The following SMYD3 variants were observed in gnomAD, a reference collection of about 807,000 sequenced individuals.
SMYD3 encodes SET and MYND domain containing 3, also known as histone-lysine N-methyltransferase SMYD3.
In SMYD3, 36 loss-of-function variants were observed where a neutral mutation model predicts 57.7. The ratio of observed to expected loss-of-function variants is 0.62; its 90% CI spans 0.48 to 0.82. The LOEUF is 0.82. Ranked by LOEUF, SMYD3 falls within the 40% of genes least tolerant of loss-of-function variation. The pLI, the probability that SMYD3 is intolerant of heterozygous loss-of-function variation, is 0.00. For synonymous variants in SMYD3, 211 were observed against 195.0 expected, an observed-to-expected ratio of 1.08 and a Z score of -0.68; for missense variants, 515 against 538.8, an observed-to-expected ratio of 0.96 and a Z score of 0.44.
chr1:245,777,849 C>T (rs112626645), intron 10 of SMYD3, among the ~76,000 whole-genome samples: 62 of 152,136 alleles, frequency 4.1e-4, no homozygotes, highest in Middle Eastern at 3.2e-3. Flanking sequence ...AACAATACAC[C>T]ACAAAATGCT....
chr1:246,326,754 A>C (rs2065360037), intron 5 of SMYD3: 2 of 274,328 alleles, frequency 7.3e-6, no homozygotes, highest in South Asian at 1.5e-4. Context: ...ACAGAACGAG[A>C]CTCTGTCTAA....
At chr1:245,973,707 A>G (rs1197387130) in intron 5 of SMYD3, among the ~76,000 whole-genome samples, 1 of 152,138 alleles carries the variant, frequency 6.6e-6, no homozygotes, top group African/African-American at 2.4e-5. Flanking sequence ...GACCATCCCA[A>G]CTCAAGAACA....
At chr1:246,489,155 G>A (rs541139924) in intron 1 of SMYD3, among the ~76,000 whole-genome samples, 1 of 152,166 alleles carries the variant, frequency 6.6e-6, no homozygotes, top group East Asian at 1.9e-4. Context: ...GATCATCCTG[G>A]CTAACATGGT....
At chr1:246,320,466 A>C (rs2065227711) in intron 5 of SMYD3, among the ~76,000 whole-genome samples, 1 of 152,216 alleles carries the variant, frequency 6.6e-6, no homozygotes, top group South Asian at 2.1e-4. Flanking sequence ...CAGTTGCACA[A>C]CATTATAAAG....
At chr1:246,372,270 A>G (rs1386971538) in intron 1 of SMYD3, among the ~76,000 whole-genome samples, 1 of 152,216 alleles carries the variant, frequency 6.6e-6, no homozygotes, top group African/African-American at 2.4e-5. Flanking sequence ...TCTAGTGAGC[A>G]TGTTGTATGC....
chr1:245,878,087 T>C (rs1297636791), intron 8 of SMYD3, among the ~76,000 whole-genome samples: 1 of 151,694 alleles, frequency 6.6e-6, no homozygotes, highest in Non-Finnish European at 1.5e-5. Flanking sequence ...TCAAAGGAGG[T>C]CAATGGATTT....
At chr1:245,887,601 T>C (rs1005046081) in intron 8 of SMYD3, among the ~76,000 whole-genome samples, 1 of 152,188 alleles carries the variant, frequency 6.6e-6, no homozygotes, top group Admixed American at 6.5e-5. Context: ...AAAATTCCTA[T>C]ACAACCTGTA....
chr1:246,172,829 C>T (rs1343535966), intron 5 of SMYD3, among the ~76,000 whole-genome samples: 1 of 150,266 alleles, frequency 6.7e-6, no homozygotes, highest in African/African-American at 2.5e-5. Flanking sequence ...AGAACACTCA[C>T]TGTACTCTAC....
chr1:246,060,252 C>T (rs1436990393), intron 5 of SMYD3, among the ~76,000 whole-genome samples: 1 of 151,788 alleles, frequency 6.6e-6, no homozygotes, highest in Non-Finnish European at 1.5e-5. Flanking sequence ...TATGCCACTG[C>T]ACTCCAGCCT....
chr1:245,861,945 A>C (rs2051570163), intron 9 of SMYD3, among the ~76,000 whole-genome samples: 2 of 152,100 alleles, frequency 1.3e-5, no homozygotes, highest in Admixed American at 1.3e-4. Context: ...GTTTTCAGTA[A>C]AACCTTGTCC....
chr1:246,078,653 G>C (rs2060586400), intron 5 of SMYD3, among the ~76,000 whole-genome samples: 1 of 152,194 alleles, frequency 6.6e-6, no homozygotes, highest in African/African-American at 2.4e-5. Context: ...TTCCACAACT[G>C]CAAGCACAGA....
chr1:245,899,909 C>T (rs972698341), intron 8 of SMYD3, among the ~76,000 whole-genome samples: 3 of 152,124 alleles, frequency 2.0e-5, no homozygotes, highest in Non-Finnish European at 4.4e-5. Flanking sequence ...TTGGGCCTGC[C>T]AGCTTTTGGA....
In SMYD3 at chr1:246,264,030, C is replaced by A. The variant is rs150949328; in HGVS notation, c.531+63171G>T. ...AAAAGGCCATATTGCCTAAGAAGAG[C>A]AGAAATAAATGTTTTTTTTTTTGTT... On this transcript the variant is annotated intron_variant, in intron 5 of 11. Coordinates refer to ENST00000490107, the MANE Select transcript of SMYD3 (RefSeq NM_001167740.2). 1.9e-3 allele frequency among the ~76,000 whole-genome samples: 273 copies of A among 141,082 alleles called. 2 individuals are homozygous for A. Among genetic ancestry groups the A allele is most frequent in the African/African-American group, 6.8e-3 (260 of 38,232 alleles). The allele number at this position is 141,082 out of a possible 152,430, so 92.6% of individuals were successfully genotyped here.
intron 10 of SMYD3, among the ~76,000 whole-genome samples, chr1:245,785,952 ATCTTGGTCT>A (rs2047021249): frequency 6.6e-6 from 1 of 151,500 alleles, no homozygotes; most frequent in Non-Finnish European, 1.5e-5. Context: ...CAATCCTCCC[ATCTTGGTCT>A]TCCAAAGTAC....
At chr1:246,506,560 G>A (rs574432073) in intron 1 of SMYD3, among the ~76,000 whole-genome samples, 1 of 152,250 alleles carries the variant, frequency 6.6e-6, no homozygotes, top group African/African-American at 2.4e-5. Context: ...GAGGTGCACC[G>A]TAGACATCAA....
At chr1:245,839,324 A>C (rs55691353) in intron 10 of SMYD3, among the ~76,000 whole-genome samples, 3,130 of 151,942 alleles carry the variant, frequency 0.021, 104 homozygotes, top group African/African-American at 0.07. Flanking sequence ...TGCCTGCCAC[A>C]GCGCCCAGCT....
chr1:246,483,434 C>T (rs1275448933), intron 1 of SMYD3: 1 of 152,200 alleles, frequency 6.6e-6, no homozygotes, highest in East Asian at 1.9e-4. Flanking sequence ...AAAACACTTA[C>T]CTCAGCCCCC....
chr1:245,916,166 A>AGG (rs59675915), intron 7 of SMYD3, among the ~76,000 whole-genome samples: 1 of 152,036 alleles, frequency 6.6e-6, no homozygotes, highest in Admixed American at 6.6e-5. Flanking sequence ...TGGAAAAAAA[A>AGG]GGGGGGGTAG....
intron 1 of SMYD3, among the ~76,000 whole-genome samples, chr1:246,365,526 A>G (rs2066086197): frequency 6.6e-6 from 1 of 150,868 alleles, no homozygotes; most frequent in Non-Finnish European, 1.5e-5. Context: ...AATTAGGAAT[A>G]TAAGAATATT....
Sources: gnomAD v4.1 joint callset for allele counts (sites outside exome capture counted in the v4.1 genomes callset) on GRCh38, gnomAD v4.1.1 for gene constraint, MANE v1.5 for transcripts, NCBI Gene and HGNC (gene_info 2026-07-23, HGNC 2026-07-21) for gene names.